MEMO1: variants seen among roughly 807,000 people sequenced by gnomAD.
The protein encoded by MEMO1 is mediator of cell motility 1.
MEMO1 carries 6 observed loss-of-function variants against 45.2 expected under a neutral mutation model. The observed-to-expected ratio is 0.13, with a 90% CI of 0.07 to 0.26. The LOEUF is 0.26. MEMO1 is among the 10% of genes least tolerant of loss of function. MEMO1 has a pLI of 1.00. For synonymous variants in MEMO1, 78 were observed against 124.3 expected (o/e 0.63, Z 2.48); for missense variants, 184 against 370.5 (o/e 0.50, Z 4.13).
intron 2 of MEMO1, among the ~76,000 whole-genome samples, chr2:31,952,603 T>C (rs1296703445): frequency 6.6e-6 from 1 of 152,228 alleles, no homozygotes; most frequent in African/African-American, 2.4e-5. Context: ...ATTCACTGTT[T>C]ATAAATCAGT....
At chr2:31,978,749 C>G (rs1011685206) in intron 2 of MEMO1, among the ~76,000 whole-genome samples, 2 of 152,194 alleles carry the variant, frequency 1.3e-5, no homozygotes, top group African/African-American at 4.8e-5. Flanking sequence ...TTGAGCAAAG[C>G]CCCAAACACT....
In MEMO1 at chr2:31,965,507, G is replaced by A. The variant is rs187544253; in HGVS notation, c.62-22124C>T. On this transcript the variant is annotated intron_variant, in intron 2 of 9. Transcript: ENST00000404530. ...ACTGTTACAGAACCACAATTTTAGAGTTGGAAAGAATATTATAAATGAGAA... is the reference window on the plus strand; with the variant it reads ...ACTGTTACAGAACCACAATTTTAGAATTGGAAAGAATATTATAAATGAGAA... Among the ~76,000 whole-genome samples the A allele has an allele frequency of 1.5e-4, 23 of 152,208 alleles. No individual in the cohort carries two copies. In the Middle Eastern group the frequency reaches 0.014, roughly 90 times the overall value.
At chr2:31,966,093 C>T (rs534984440) in intron 2 of MEMO1, among the ~76,000 whole-genome samples, 2 of 152,254 alleles carry the variant, frequency 1.3e-5, no homozygotes, top group Non-Finnish European at 2.9e-5. Context: ...CCACCCTTTC[C>T]TAAAGTACTA....
At chr2:31,897,057 T>C (rs566171070) in intron 6 of MEMO1, among the ~76,000 whole-genome samples, 3 of 152,334 alleles carry the variant, frequency 2.0e-5, no homozygotes, top group East Asian at 1.9e-4. Flanking sequence ...CTTGTGATTT[T>C]TGCACACTGA....
At chr2:31,894,603 A>AT (rs911288997) in intron 6 of MEMO1, among the ~76,000 whole-genome samples, 6 of 152,284 alleles carry the variant, frequency 3.9e-5, no homozygotes, top group African/African-American at 1.4e-4. Context: ...GGGGACTCCC[A>AT]TAAGGTCCTA....
At chr2:31,876,290 T>C (rs1674554959) in intron 8 of MEMO1, among the ~76,000 whole-genome samples, 1 of 152,208 alleles carries the variant, frequency 6.6e-6, no homozygotes, top group Admixed American at 6.5e-5. Context: ...TTCCCGCTGA[T>C]CTTTACTTGA....
chr2:31,869,702 A>C (rs1413838864), intron 9 of MEMO1, 146 bp downstream of exon 9: 2 of 741,642 alleles, frequency 2.7e-6, no homozygotes, highest in Non-Finnish European at 4.0e-6. Context: ...ACCAAAAGCA[A>C]TGGAACTCCA....
At chr2:31,933,476 C>T (rs1435226533) in intron 3 of MEMO1, among the ~76,000 whole-genome samples, 8 of 147,700 alleles carry the variant, frequency 5.4e-5, no homozygotes, top group African/African-American at 1.3e-4. Flanking sequence ...TGAATATGTT[C>T]GTTTTCTTGA....
At chr2:31,950,937 C>G (rs1572784897) in intron 2 of MEMO1, among the ~76,000 whole-genome samples, 1 of 152,118 alleles carries the variant, frequency 6.6e-6, no homozygotes, top group South Asian at 2.1e-4. Context: ...TCCATAGTAT[C>G]GTCCTTCATA....
chr2:31,921,536 G>A (rs1265188924), intron 4 of MEMO1, among the ~76,000 whole-genome samples: 1 of 152,020 alleles, frequency 6.6e-6, no homozygotes, highest in Non-Finnish European at 1.5e-5. Flanking sequence ...TCAATGACAA[G>A]GATGCAACAG....
intron 2 of MEMO1, among the ~76,000 whole-genome samples, chr2:31,983,404 T>G (rs2148510877): frequency 6.6e-6 from 1 of 152,310 alleles, no homozygotes; most frequent in Admixed American, 6.5e-5. Context: ...CAGTAGCCAT[T>G]AACACATTCA....
At chr2:31,924,491 C>T (rs1682795637) in intron 4 of MEMO1, among the ~76,000 whole-genome samples, 1 of 150,368 alleles carries the variant, frequency 6.7e-6, no homozygotes, top group African/African-American at 2.4e-5. Flanking sequence ...GGGGAAGGAG[C>T]AAGATCAGTA....
chr2:31,891,688 AC>A (rs994673976), intron 7 of MEMO1, among the ~76,000 whole-genome samples: 3 of 152,142 alleles, frequency 2.0e-5, no homozygotes, highest in Non-Finnish European at 4.4e-5. Flanking sequence ...TACCATACAC[AC>A]CTACTTGGAA....
chr2:32,006,993 G>C (rs1233523497), intron 2 of MEMO1, among the ~76,000 whole-genome samples: 2 of 147,380 alleles, frequency 1.4e-5, no homozygotes, highest in African/African-American at 5.0e-5. Context: ...AAAAAGAAGT[G>C]AGAATGAATC....
intron 2 of MEMO1, among the ~76,000 whole-genome samples, chr2:31,994,886 T>G (rs1240527445): frequency 1.3e-5 from 2 of 150,248 alleles, no homozygotes; most frequent in Non-Finnish European, 3.0e-5. Context: ...AGGTCGAGGC[T>G]GCAGTGAGCT....
chr2:31,946,046 T>C (rs944548407), intron 2 of MEMO1, among the ~76,000 whole-genome samples: 1 of 152,198 alleles, frequency 6.6e-6, no homozygotes, highest in Non-Finnish European at 1.5e-5. Flanking sequence ...TTAATACTTA[T>C]TAAAAACTGA....
intron 2 of MEMO1, among the ~76,000 whole-genome samples, chr2:32,009,932 T>TCC (rs992591818): frequency 6.6e-6 from 1 of 151,190 alleles, no homozygotes; most frequent in African/African-American, 2.4e-5. Context: ...GCGGCAACTC[T>TCC]CCCTCTCGCC....
intron 6 of MEMO1, among the ~76,000 whole-genome samples, chr2:31,902,606 T>G (rs1243922492): frequency 6.6e-6 from 1 of 152,208 alleles, no homozygotes; most frequent in African/African-American, 2.4e-5. Flanking sequence ...ACCAGGTTCT[T>G]GCTAATTCTT....
At chr2:31,992,549 C>T (rs1672073635) in intron 2 of MEMO1, among the ~76,000 whole-genome samples, 4 of 152,154 alleles carry the variant, frequency 2.6e-5, no homozygotes. Flanking sequence ...TTTGGGAGGC[C>T]GAGGTGGGTG....
Sources: gnomAD v4.1 joint callset for allele counts (sites outside exome capture counted in the v4.1 genomes callset) on GRCh38, gnomAD v4.1.1 for gene constraint, MANE v1.5 for transcripts, NCBI Gene and HGNC (gene_info 2026-07-23, HGNC 2026-07-21) for gene names.